The following SRGN variants were observed in gnomAD, a reference collection of about 807,000 sequenced individuals.
The protein encoded by SRGN is serglycin, also known as hematopoetic proteoglycan core peptide.
In SRGN, 2 loss-of-function variants were observed where a neutral mutation model predicts 9.5. The observed-to-expected ratio is 0.21, with a 90% CI of 0.09 to 0.66. The LOEUF (loss-of-function observed/expected upper bound fraction) is 0.66. SRGN is among the 30% of genes least tolerant of loss of function. The pLI, the probability that SRGN is intolerant of heterozygous loss-of-function variation, is 0.83. For missense variants in SRGN, 170 were observed against 192.4 expected (o/e 0.88, Z 0.69); for synonymous variants, 59 against 72.3 (o/e 0.82, Z 0.93).
chr10:69,093,705 A>G (rs528373724), intron 1 of SRGN, among the ~76,000 whole-genome samples: 199 of 152,106 alleles, frequency 1.3e-3, no homozygotes, highest in Non-Finnish European at 2.1e-3. Context: ...GTCTCTATTA[A>G]AACTACAAAA....
intron 2 of SRGN, among the ~76,000 whole-genome samples, chr10:69,097,643 G>T (rs1840205960): frequency 6.6e-6 from 1 of 152,004 alleles, no homozygotes. Flanking sequence ...TAGCCAGGAT[G>T]GTCTCGATCT....
intron 1 of SRGN, 148 bp downstream of exon 1, chr10:69,088,384 A>C (rs577264047): frequency 1.5e-6 from 1 of 655,576 alleles, no homozygotes; most frequent in South Asian, 2.0e-5. Flanking sequence ...GAACCCTTTA[A>C]TATGAGTTCT....
chr10:69,102,642 G>A (rs889505319), intron 2 of SRGN, among the ~76,000 whole-genome samples: 4 of 152,112 alleles, frequency 2.6e-5, no homozygotes, highest in Non-Finnish European at 4.4e-5. Flanking sequence ...GAGGGCTGTC[G>A]TCATTGCTCT....
chr10:69,103,824 A>C (rs763621901), intron 2 of SRGN, 47 bp from the exon 3 acceptor site: 1 of 1,593,050 alleles, frequency 6.3e-7, no homozygotes, highest in East Asian at 2.2e-5. Flanking sequence ...TCTTTCCCAC[A>C]TATCAAACTC....
intron 2 of SRGN, among the ~76,000 whole-genome samples, chr10:69,103,042 C>T (rs188483357): frequency 2.0e-5 from 3 of 151,988 alleles, no homozygotes; most frequent in Admixed American, 2.0e-4. Flanking sequence ...TGGGTTCAAG[C>T]GATTCTCTCA....
At chr10:69,100,125 G>A (rs1840258849) in intron 2 of SRGN, among the ~76,000 whole-genome samples, 1 of 152,180 alleles carries the variant, frequency 6.6e-6, no homozygotes, top group African/African-American at 2.4e-5. Context: ...GGCCGAGGCA[G>A]GCAGACTGGG....
rs576364055 is a variant in SRGN at position 69,093,051 on chromosome 10, A to C, written c.80-4033A>C. ...CCTGGATGCTTTCTCATTAAGCATT[A>C]TTTTTCTGTTTAGCTTCCTGTGTGA... On this transcript the variant is annotated intron_variant, in intron 1 of 2. Coordinates refer to ENST00000242465, the MANE Select transcript of SRGN (RefSeq NM_002727.4). Among the ~76,000 whole-genome samples, 3 of 152,216 alleles carry C rather than the reference A, an allele frequency of 2.0e-5. No individual in the cohort carries two copies. The South Asian group carries it at 6.2e-4, about 32-fold the overall frequency.
At chr10:69,091,253 G>A (rs2132152794) in intron 1 of SRGN, among the ~76,000 whole-genome samples, 1 of 152,278 alleles carries the variant, frequency 6.6e-6, no homozygotes, top group African/African-American at 2.4e-5. Context: ...CTGATTTCAA[G>A]GCCAGAATTA....
chr10:69,101,376 T>C (rs761474881), intron 2 of SRGN, among the ~76,000 whole-genome samples: 3 of 152,206 alleles, frequency 2.0e-5, no homozygotes, highest in Non-Finnish European at 4.4e-5. Context: ...GTTAAATATC[T>C]GGAGAAGTTT....
upstream of SRGN, chr10:69,088,009 T>A: frequency 1.6e-6 from 1 of 644,546 alleles, no homozygotes; most frequent in Non-Finnish European, 2.8e-6. Flanking sequence ...TTGATGTGGA[T>A]GTCTTTCTAT....
chr10:69,090,105 A>G (rs1840020117), intron 1 of SRGN, among the ~76,000 whole-genome samples: 1 of 152,196 alleles, frequency 6.6e-6, no homozygotes, highest in Admixed American at 6.5e-5. Flanking sequence ...TATCGGGCTC[A>G]AGGGCTTGTG....
intron 1 of SRGN, among the ~76,000 whole-genome samples, chr10:69,090,706 G>T (rs898878596): frequency 6.6e-6 from 1 of 152,164 alleles, no homozygotes; most frequent in African/African-American, 2.4e-5. Flanking sequence ...GTTAGAACTG[G>T]AACATATGAA....
At chr10:69,088,010 GTCTT>G (rs1321181109), upstream of SRGN, 1 of 645,578 alleles carries the variant, frequency 1.5e-6, no homozygotes, top group Non-Finnish European at 2.7e-6. Flanking sequence ...TGATGTGGAT[GTCTT>G]TCTATTTGTT....
intron 2 of SRGN, among the ~76,000 whole-genome samples, chr10:69,100,345 C>T (rs1018987276): frequency 2.6e-5 from 4 of 152,042 alleles, no homozygotes; most frequent in Non-Finnish European, 4.4e-5. Flanking sequence ...CTGAAGTGAG[C>T]CATGGTGTGG....
chr10:69,089,854 C>G (rs1332036046), intron 1 of SRGN, among the ~76,000 whole-genome samples: 1 of 151,510 alleles, frequency 6.6e-6, no homozygotes, highest in Non-Finnish European at 1.5e-5. Context: ...TGAGATTGCA[C>G]CACTGTACTA....
At chr10:69,091,875 G>A (rs1330731417) in intron 1 of SRGN, among the ~76,000 whole-genome samples, 1 of 30,652 alleles carries the variant, frequency 3.3e-5, no homozygotes, top group Non-Finnish European at 6.0e-5. Context: ...CTGAGACTCT[G>A]TCTCAAAAAA....
intron 1 of SRGN, among the ~76,000 whole-genome samples, chr10:69,089,592 T>C (rs1840007972): frequency 6.6e-6 from 1 of 152,190 alleles, no homozygotes; most frequent in Non-Finnish European, 1.5e-5. Context: ...TTGTATAATA[T>C]TCATTAGAAA....
intron 2 of SRGN, among the ~76,000 whole-genome samples, 196 bp downstream of exon 2, chr10:69,097,427 A>AT (rs71035049): frequency 0.1 from 11,560 of 111,238 alleles, 1,148 homozygotes; most frequent in East Asian, 0.35. Flanking sequence ...TGCCCAGCTA[A>AT]TTTTTTTTTT....
Position 69,104,283 on chromosome 10 carries a change from G to T in SRGN, c.*163G>T. 2 of 970,818 alleles carry T rather than the reference G, an allele frequency of 2.1e-6. No individual in the cohort carries two copies. The highest frequency in any genetic ancestry group is 2.9e-6 in the Non-Finnish European group (2 of 682,746). 60.1% of individuals were successfully genotyped at this position (970,818 alleles called of 1,614,324 possible). Reference sequence around the variant, plus strand: ...TTTTTTTTCTCATGAATTCTTAAAGGATTATGCTTTAATGCTGTTATCTAT... The same window carrying T: ...TTTTTTTTCTCATGAATTCTTAAAGTATTATGCTTTAATGCTGTTATCTAT... On this transcript the variant is annotated 3_prime_UTR_variant, in exon 3 of 3. Transcript: ENST00000242465.
Sources: gnomAD v4.1 joint callset for allele counts (sites outside exome capture counted in the v4.1 genomes callset) on GRCh38, gnomAD v4.1.1 for gene constraint, MANE v1.5 for transcripts, NCBI Gene and HGNC (gene_info 2026-07-23, HGNC 2026-07-21) for gene names.